CTNNA2: variants seen among roughly 807,000 people sequenced by gnomAD.
CTNNA2 encodes catenin alpha 2, also known as catenin alpha-2.
A neutral mutation model predicts 101.0 loss-of-function variants in CTNNA2; 42 were observed. The observed-to-expected ratio is 0.42, with a 90% CI of 0.32 to 0.54. CTNNA2 has a LOEUF of 0.54. CTNNA2 is among the 20% of genes least tolerant of loss of function. The pLI is 0.14. For synonymous variants in CTNNA2, 450 were observed against 456.4 expected (o/e 0.99, Z 0.18); for missense variants, 871 against 1,223.1 (o/e 0.71, Z 4.29).
intron 3 of CTNNA2, among the ~76,000 whole-genome samples, chr2:79,837,630 A>G (rs1679484490): frequency 6.6e-6 from 1 of 152,050 alleles, no homozygotes; most frequent in Non-Finnish European, 1.5e-5. Context: ...ACATATGTGG[A>G]GAGGTGTCAG....
chr2:79,727,969 G>A (rs1686961304), intron 2 of CTNNA2, among the ~76,000 whole-genome samples: 2 of 151,760 alleles, frequency 1.3e-5, no homozygotes, highest in Admixed American at 1.3e-4. Flanking sequence ...TCTTAATCCA[G>A]TCTATCATTG....
intron 7 of CTNNA2, among the ~76,000 whole-genome samples, chr2:80,074,443 A>G (rs7605424): frequency 0.46 from 70,575 of 152,094 alleles, 18,486 homozygotes; most frequent in African/African-American, 0.67. Context: ...TCTGAAGTTC[A>G]TTTGCAAGAA....
chr2:79,852,745 C>T (rs1013191884), intron 3 of CTNNA2, among the ~76,000 whole-genome samples: 3 of 151,106 alleles, frequency 2.0e-5, no homozygotes, highest in South Asian at 2.1e-4. Flanking sequence ...GTGCACACCA[C>T]CACGCCTAGC....
chr2:80,082,785 T>G (rs1035453215), intron 7 of CTNNA2, among the ~76,000 whole-genome samples: 40 of 152,280 alleles, frequency 2.6e-4, no homozygotes, highest in Admixed American at 7.8e-4. Flanking sequence ...TTTAAATCAC[T>G]TTTAAGCAAT....
intron 7 of CTNNA2, among the ~76,000 whole-genome samples, chr2:79,923,782 C>G (rs1229487188): frequency 6.6e-6 from 1 of 152,132 alleles, no homozygotes; most frequent in Non-Finnish European, 1.5e-5. Flanking sequence ...AACTGTTTCT[C>G]TACTCTCTGT....
intron 4 of CTNNA2, among the ~76,000 whole-genome samples, chr2:79,413,619 A>G (rs754141003): frequency 1.2e-4 from 18 of 152,044 alleles, no homozygotes; most frequent in Non-Finnish European, 2.4e-4. Context: ...TCTATTTTTA[A>G]TTTTTTGAGG....
intron 2 of CTNNA2, among the ~76,000 whole-genome samples, chr2:79,256,036 AT>A (rs1470657491): frequency 6.6e-6 from 1 of 152,216 alleles, no homozygotes; most frequent in East Asian, 1.9e-4. Flanking sequence ...AAAACTCACA[AT>A]TATCTCATGG....
intron 4 of CTNNA2, among the ~76,000 whole-genome samples, chr2:79,412,931 T>A (rs1678433484): frequency 6.6e-6 from 1 of 152,128 alleles, no homozygotes; most frequent in Admixed American, 6.6e-5. Flanking sequence ...TCAACCACTC[T>A]TTTAGTAAAT....
intron 18 of CTNNA2, among the ~76,000 whole-genome samples, chr2:80,636,193 G>A (rs1346642543): frequency 6.6e-6 from 1 of 152,056 alleles, no homozygotes; most frequent in African/African-American, 2.4e-5. Flanking sequence ...AGTTGGATGA[G>A]ATTTTCAAGT....
chr2:80,022,110 T>C (rs1331114430), intron 7 of CTNNA2, among the ~76,000 whole-genome samples: 1 of 152,202 alleles, frequency 6.6e-6, no homozygotes, highest in Non-Finnish European at 1.5e-5. Context: ...AGCATAAGTG[T>C]AAAGAAACCT....
chr2:79,197,362 T>G (rs1014425777), intron 1 of CTNNA2, among the ~76,000 whole-genome samples: 1 of 152,156 alleles, frequency 6.6e-6, no homozygotes, highest in Admixed American at 6.5e-5. Context: ...GTGATTAGTT[T>G]GAAGAGTATT....
chr2:80,517,040 T>C (rs1421178917), intron 9 of CTNNA2, among the ~76,000 whole-genome samples: 1 of 152,136 alleles, frequency 6.6e-6, no homozygotes, highest in Non-Finnish European at 1.5e-5. Flanking sequence ...CCTGTTTGTC[T>C]GAAATGAAGA....
intron 1 of CTNNA2, among the ~76,000 whole-genome samples, chr2:79,566,615 G>C (rs2104173715): frequency 6.6e-6 from 1 of 152,132 alleles, no homozygotes; most frequent in Non-Finnish European, 1.5e-5. Flanking sequence ...TGCACCTAGG[G>C]AGGCAGTCAT....
chr2:79,202,028 A>G (rs1184850317), intron 2 of CTNNA2, among the ~76,000 whole-genome samples: 1 of 152,194 alleles, frequency 6.6e-6, no homozygotes, highest in Non-Finnish European at 1.5e-5. Flanking sequence ...TTAGAAGTAG[A>G]TAAGAGACAA....
chr2:79,635,329 G>A (rs551471874), intron 1 of CTNNA2, among the ~76,000 whole-genome samples: 1 of 151,900 alleles, frequency 6.6e-6, no homozygotes, highest in South Asian at 2.1e-4. Context: ...CTACTCGGGA[G>A]GCTGAGGCAG....
chr2:79,779,197 T>C (rs1674237216), intron 3 of CTNNA2, among the ~76,000 whole-genome samples: 4 of 152,036 alleles, frequency 2.6e-5, no homozygotes, highest in South Asian at 2.1e-4. Flanking sequence ...GAAAAAATAG[T>C]CTTGAGGTTG....
intron 2 of CTNNA2, among the ~76,000 whole-genome samples, chr2:79,215,296 C>A (rs1008781543): frequency 2.0e-5 from 3 of 152,084 alleles, no homozygotes; most frequent in Admixed American, 6.5e-5. Context: ...CTGGGAGAGG[C>A]GGGCCTGGAG....
At chr2:80,152,936 C>A (rs1041174674) in intron 7 of CTNNA2, among the ~76,000 whole-genome samples, 1 of 152,176 alleles carries the variant, frequency 6.6e-6, no homozygotes, top group Non-Finnish European at 1.5e-5. Flanking sequence ...CCTTCAAGAA[C>A]TTCAGCCTTT....
chr2:79,780,188 T>G lies in CTNNA2; in HGVS notation c.298+35606T>G, dbSNP rs544289025. ...GTCCTACCTTTCCAGACTGAACCAA[T>G]GTACATCTTACGTGTATTAATTGAT... On this transcript the variant is annotated intron_variant, in intron 3 of 18. Transcript: ENST00000402739. 7.2e-5 allele frequency among the ~76,000 whole-genome samples: 11 copies of G among 152,266 alleles called. No homozygotes were observed. In the East Asian group the frequency reaches 1.5e-3, roughly 21 times the overall value.
Sources: allele counts gnomAD v4.1 joint callset (sites outside exome capture counted in the v4.1 genomes callset), GRCh38; gene constraint gnomAD v4.1.1; transcripts MANE v1.5; gene names NCBI Gene and HGNC (gene_info 2026-07-23, HGNC 2026-07-21).